The following CNIH4 variants were observed in gnomAD, a reference collection of about 807,000 sequenced individuals.
The protein encoded by CNIH4 is protein cornichon homolog 4.
CNIH4 carries 9 observed loss-of-function variants against 21.5 expected under a neutral mutation model. The observed-to-expected ratio is 0.42, with a 90% CI of 0.25 to 0.73. CNIH4 has a LOEUF of 0.73. CNIH4 is among the 30% of genes least tolerant of loss of function. The pLI, the probability that CNIH4 is intolerant of heterozygous loss-of-function variation, is 0.27. For synonymous variants in CNIH4, 67 were observed against 59.1 expected (o/e 1.13, Z -0.61); for missense variants, 159 against 170.0 (o/e 0.94, Z 0.36).
At chr1:224,368,204 C>T (rs752673322) in intron 3 of CNIH4, among the ~76,000 whole-genome samples, 5 of 152,182 alleles carry the variant, frequency 3.3e-5, no homozygotes, top group East Asian at 3.9e-4. Flanking sequence ...TGGTGGCATG[C>T]GCTTGTAGTC....
chr1:224,374,827 C>T (rs1672736145), intron 4 of CNIH4, among the ~76,000 whole-genome samples: 1 of 152,138 alleles, frequency 6.6e-6, no homozygotes, highest in South Asian at 2.1e-4. Context: ...TATGCTGACC[C>T]ATAGTAAACT....
intron 3 of CNIH4, among the ~76,000 whole-genome samples, chr1:224,368,673 T>C (rs1181185902): frequency 1.3e-5 from 2 of 151,872 alleles, no homozygotes; most frequent in Non-Finnish European, 2.9e-5. Context: ...TTTTTTTTTT[T>C]CGAGATAGAG....
At chr1:224,368,978 G>A (rs1379090739) in intron 3 of CNIH4, among the ~76,000 whole-genome samples, 5 of 149,140 alleles carry the variant, frequency 3.4e-5, no homozygotes, top group African/African-American at 5.0e-5. Context: ...TGCCCTAGTA[G>A]TATACAGCTG....
chr1:224,375,899 T>C lies in CNIH4; in HGVS notation c.*77T>C. On this transcript the variant is annotated 3_prime_UTR_variant, in exon 5 of 5. Coordinates refer to ENST00000465271, the MANE Select transcript of CNIH4 (RefSeq NM_014184.4). ...GAGCCAGAGACTTCTTAAATCATCC[T>C]TAGAACCGTGACCATAGCAGTATAT... The C allele has an allele frequency of 6.3e-7, 1 of 1,584,424 alleles. No individual in the cohort carries two copies. The highest frequency in any genetic ancestry group is 1.8e-5 in the Admixed American group (1 of 56,612).
intron 3 of CNIH4, among the ~76,000 whole-genome samples, chr1:224,368,910 C>CTTTT (rs11370391): frequency 7.0e-6 from 1 of 143,168 alleles, no homozygotes; most frequent in African/African-American, 2.6e-5. Context: ...CTGTGTGTGT[C>CTTTT]TTTTTTTTTT....
In CNIH4 at chr1:224,371,280, C is replaced by T. The variant is rs776558129; in HGVS notation, c.252-3C>T. The T allele has an allele frequency of 1.2e-6, 2 of 1,610,096 alleles. No homozygotes were observed. Among genetic ancestry groups the T allele is most frequent in the East Asian group, 2.2e-5 (1 of 44,852 alleles). On this transcript the variant is annotated splice_region_variant and splice_polypyrimidine_tract_variant and intron_variant, in intron 3 of 4. Transcript: ENST00000465271. ...CTAATGTGTGTATCCTTTAATTTAT[C>T]AGATACATTATGGTGCCGAGTGGTA...
chr1:224,377,941 G>A lies in CNIH4; in HGVS notation c.*2119G>A, dbSNP rs1172549177. The A allele has an allele frequency of 6.6e-6, 1 of 152,166 alleles. No homozygotes were observed. The highest frequency in any genetic ancestry group is 1.9e-4 in the East Asian group (1 of 5,200). 9.4% of individuals were successfully genotyped at this position (152,166 alleles called of 1,614,324 possible). A position where few individuals can be genotyped will look rare whatever the true frequency, so the allele number is the denominator to read the frequency against. ...TCAGAAAGGTGCCATGTTTATAACA[G>A]AGGTCAAAGCTCCTTACTTCTGAAA... is the stretch of plus-strand genomic sequence containing the variant. On this transcript the variant is annotated 3_prime_UTR_variant, in exon 5 of 5. Coordinates refer to ENST00000465271, the MANE Select transcript of CNIH4 (RefSeq NM_014184.4).
intron 4 of CNIH4, among the ~76,000 whole-genome samples, chr1:224,375,359 A>G (rs1672750181): frequency 1.3e-5 from 2 of 152,196 alleles, no homozygotes; most frequent in Non-Finnish European, 2.9e-5. Flanking sequence ...AGCCAATCAC[A>G]AAACCTGAGT....
intron 1 of CNIH4, among the ~76,000 whole-genome samples, chr1:224,359,013 A>T (rs1338981424): frequency 1.3e-5 from 2 of 152,230 alleles, no homozygotes; most frequent in Non-Finnish European, 2.9e-5. Context: ...GGAAGAGGTG[A>T]ATATTCCAAA....
At chr1:224,357,054 T>A in intron 1 of CNIH4, 61 bp downstream of exon 1, 1 of 1,560,806 alleles carries the variant, frequency 6.4e-7, no homozygotes, top group South Asian at 1.2e-5. Context: ...GTGGGCCAGT[T>A]GGGCACCCGG....
At position 224,363,840 on chromosome 1, in the gene CNIH4, C is replaced by T. The variant is rs369245534; in HGVS notation, c.139-2039C>T. Among the ~76,000 whole-genome samples, 60 of 152,170 alleles carry T rather than the reference C, an allele frequency of 3.9e-4. No individual in the cohort carries two copies. The South Asian group carries it at 0.012, about 30-fold the overall frequency. On this transcript the variant is annotated intron_variant, in intron 2 of 4. Transcript: ENST00000465271. ...CTAGATTTGTTGACTGGTAGACTTC[C>T]CTGTAGGGTAATTGTTATCTACCTG...
intron 2 of CNIH4, chr1:224,364,040 A>G: frequency 1.2e-5 from 12 of 985,364 alleles, no homozygotes; most frequent in Non-Finnish European, 1.4e-5. Context: ...CAAAAAACAG[A>G]GGACTTGGTT....
intron 3 of CNIH4, among the ~76,000 whole-genome samples, chr1:224,370,875 CT>C (rs34962459): frequency 0.076 from 10,231 of 135,098 alleles, 841 homozygotes; most frequent in African/African-American, 0.24. Context: ...GATTGGCTCA[CT>C]TTTTTTTTTT....
chr1:224,372,669 A>G (rs11807942), intron 4 of CNIH4, among the ~76,000 whole-genome samples: 43,962 of 149,314 alleles, frequency 0.29, 7,971 homozygotes, highest in African/African-American at 0.51. Context: ...TGCAACCTCC[A>G]CCTCCCAGGT....
intron 4 of CNIH4, among the ~76,000 whole-genome samples, chr1:224,373,225 C>T (rs1361898968): frequency 6.6e-6 from 1 of 152,136 alleles, no homozygotes; most frequent in African/African-American, 2.4e-5. Flanking sequence ...TGCACCTATT[C>T]TTGTTTTTAA....
intron 3 of CNIH4, among the ~76,000 whole-genome samples, chr1:224,370,462 T>G (rs1256545762): frequency 1.3e-5 from 2 of 152,228 alleles, no homozygotes; most frequent in Admixed American, 6.5e-5. Flanking sequence ...GAAGAATTCA[T>G]GGACAGTGCT....
At chr1:224,363,541 C>T (rs1672361590) in intron 2 of CNIH4, among the ~76,000 whole-genome samples, 1 of 152,088 alleles carries the variant, frequency 6.6e-6, no homozygotes, top group Non-Finnish European at 1.5e-5. Context: ...TTCATTGCAG[C>T]CTTGAATTTC....
intron 4 of CNIH4, among the ~76,000 whole-genome samples, chr1:224,372,841 A>G (rs183935747): frequency 6.6e-6 from 1 of 151,788 alleles, no homozygotes; most frequent in East Asian, 1.9e-4. Context: ...CGGCCTCCCA[A>G]AGTGCTGGGA....
chr1:224,377,008 C>T lies in CNIH4; in HGVS notation c.*1186C>T, dbSNP rs1572138337. The T allele has an allele frequency of 1.4e-6, 1 of 713,514 alleles. No homozygotes were observed. The highest frequency in any genetic ancestry group is 1.7e-6 in the Non-Finnish European group (1 of 581,656). The allele number at this position is 713,514 out of a possible 1,614,324, so 44.2% of individuals were successfully genotyped here. ...GTTGAGATAGAATTGGGTGGCTAAA[C>T]AGGGTGTGTGGTACCCAAAAGATTA... On this transcript the variant is annotated 3_prime_UTR_variant, in exon 5 of 5. Transcript: ENST00000465271.
Sources: allele counts gnomAD v4.1 joint callset (sites outside exome capture counted in the v4.1 genomes callset), GRCh38; gene constraint gnomAD v4.1.1; transcripts MANE v1.5; gene names NCBI Gene and HGNC (gene_info 2026-07-23, HGNC 2026-07-21).